Variants in KHDRBS2 observed in about 807,000 individuals in gnomAD.
The protein encoded by KHDRBS2 is KH domain-containing, RNA-binding, signal transduction-associated protein 2.
In KHDRBS2, 26 loss-of-function variants were observed where a neutral mutation model predicts 44.3. The observed-to-expected ratio is 0.59, with a 90% CI of 0.43 to 0.81. The LOEUF (loss-of-function observed/expected upper bound fraction) is 0.81, where lower values mean the gene tolerates loss of function less well. KHDRBS2 is among the 40% of genes least tolerant of loss of function. The pLI is 0.00. For missense variants in KHDRBS2, 476 were observed against 433.1 expected (o/e 1.10, Z -0.88); for synonymous variants, 194 against 151.1 (o/e 1.28, Z -2.08).
At chr6:62,088,460 C>T (rs778379305) in intron 2 of KHDRBS2, among the ~76,000 whole-genome samples, 1 of 152,206 alleles carries the variant, frequency 6.6e-6, no homozygotes, top group Non-Finnish European at 1.5e-5. Context: ...TCAGGCCCTT[C>T]TTCTGCAGGT....
intron 2 of KHDRBS2, among the ~76,000 whole-genome samples, chr6:62,069,773 T>C (rs1487674321): frequency 6.6e-6 from 1 of 151,860 alleles, no homozygotes; most frequent in Non-Finnish European, 1.5e-5. Flanking sequence ...CCATTAATTT[T>C]ATGCACTTAG....
intron 2 of KHDRBS2, among the ~76,000 whole-genome samples, chr6:62,050,552 A>G (rs1489102247): frequency 6.6e-6 from 1 of 151,980 alleles, no homozygotes; most frequent in Non-Finnish European, 1.5e-5. Flanking sequence ...ACTAATATCT[A>G]TAATCTATAA....
intron 4 of KHDRBS2, among the ~76,000 whole-genome samples, chr6:61,958,064 C>T (rs1583789236): frequency 6.6e-6 from 1 of 152,254 alleles, no homozygotes; most frequent in Admixed American, 6.5e-5. Flanking sequence ...ATCCCCTATT[C>T]TCAATCATAA....
At chr6:61,549,304 A>G in the KHDRBS2 span, among the ~76,000 whole-genome samples, 1 of 152,192 alleles carries the variant, frequency 6.6e-6, no homozygotes, top group Admixed American at 6.5e-5. Context: ...GTACTGTTTC[A>G]AACACATTTG....
chr6:62,276,164 T>C (rs1376915582), intron 1 of KHDRBS2, among the ~76,000 whole-genome samples: 1 of 152,194 alleles, frequency 6.6e-6, no homozygotes, highest in Non-Finnish European at 1.5e-5. Context: ...ATCTAATCTT[T>C]AATGTTTTAA....
At chr6:61,674,499 G>T in the KHDRBS2 span, among the ~76,000 whole-genome samples, 3 of 151,610 alleles carry the variant, frequency 2.0e-5, no homozygotes, top group Admixed American at 6.6e-5. Context: ...TTGCATTCTT[G>T]TTCAAAGAAT....
At chr6:61,878,055 G>C (rs1408979372) in intron 6 of KHDRBS2, among the ~76,000 whole-genome samples, 1 of 151,818 alleles carries the variant, frequency 6.6e-6, no homozygotes, top group Non-Finnish European at 1.5e-5. Flanking sequence ...ATTATTTCCA[G>C]AGCTTGGTCC....
At chr6:61,814,020 C>A (rs1221753645) in intron 6 of KHDRBS2, 1 of 455,806 alleles carries the variant, frequency 2.2e-6, no homozygotes, top group African/African-American at 2.0e-5. Flanking sequence ...TGGTTGAACT[C>A]CAATTAGATT....
intron 5 of KHDRBS2, among the ~76,000 whole-genome samples, chr6:61,898,668 G>A (rs1253096944): frequency 6.6e-6 from 1 of 151,796 alleles, no homozygotes; most frequent in Non-Finnish European, 1.5e-5. Context: ...GGGAGAACTA[G>A]GATTTAGAAC....
At chr6:62,233,585 C>T (rs1260372948) in intron 1 of KHDRBS2, among the ~76,000 whole-genome samples, 3 of 152,036 alleles carry the variant, frequency 2.0e-5, no homozygotes, top group African/African-American at 7.2e-5. Flanking sequence ...ATTTCATCAC[C>T]TAGATATTCA....
intron 2 of KHDRBS2, among the ~76,000 whole-genome samples, chr6:62,105,459 G>C (rs1179335352): frequency 6.6e-6 from 1 of 152,130 alleles, no homozygotes; most frequent in African/African-American, 2.4e-5. Context: ...TTCAGAGCCT[G>C]TTATTGGTCT....
intron 2 of KHDRBS2, among the ~76,000 whole-genome samples, chr6:62,134,809 G>A (rs927892006): frequency 1.4e-4 from 21 of 152,102 alleles, no homozygotes; most frequent in African/African-American, 2.4e-4. Context: ...AGACTTGCAC[G>A]GGGCCTTTAG....
chr6:61,748,864 G>A (rs777771056), intron 6 of KHDRBS2, among the ~76,000 whole-genome samples: 16 of 152,038 alleles, frequency 1.1e-4, no homozygotes, highest in Admixed American at 8.5e-4. Context: ...TCTATGCCCT[G>A]TGCTATCCAA....
At chr6:61,886,189 G>A (rs1428285064) in intron 6 of KHDRBS2, among the ~76,000 whole-genome samples, 1 of 152,082 alleles carries the variant, frequency 6.6e-6, no homozygotes, top group Non-Finnish European at 1.5e-5. Context: ...TCTTCAGGTG[G>A]CATTTTATTA....
chr6:61,726,137 G>A (rs1773510291), intron 7 of KHDRBS2, among the ~76,000 whole-genome samples: 1 of 152,042 alleles, frequency 6.6e-6, no homozygotes, highest in South Asian at 2.1e-4. Flanking sequence ...TGCAAGGTTG[G>A]TTCAACATAC....
At chr6:61,997,431 A>G (rs1161075775) in intron 3 of KHDRBS2, among the ~76,000 whole-genome samples, 3 of 152,170 alleles carry the variant, frequency 2.0e-5, no homozygotes, top group African/African-American at 7.2e-5. Context: ...ATATTCTGAA[A>G]TTAGCTGTTA....
the KHDRBS2 span, among the ~76,000 whole-genome samples, chr6:61,551,278 A>G: frequency 6.6e-6 from 1 of 152,046 alleles, no homozygotes; most frequent in East Asian, 1.9e-4. Flanking sequence ...CCTTTGTCAG[A>G]TGTATAGTCT....
intron 2 of KHDRBS2, among the ~76,000 whole-genome samples, chr6:62,172,782 G>A (rs1820320709): frequency 7.0e-6 from 1 of 143,660 alleles, no homozygotes; most frequent in Non-Finnish European, 1.5e-5. Flanking sequence ...TCAATGCTAA[G>A]AAGATTGCTC....
intron 1 of KHDRBS2, among the ~76,000 whole-genome samples, chr6:62,285,278 A>G (rs1412204449): frequency 6.6e-6 from 1 of 152,194 alleles, no homozygotes; most frequent in Non-Finnish European, 1.5e-5. Context: ...TATCTCACAG[A>G]GTACCCAATC....
Sources: gnomAD v4.1 joint callset for allele counts (sites outside exome capture counted in the v4.1 genomes callset) on GRCh38, gnomAD v4.1.1 for gene constraint, MANE v1.5 for transcripts, NCBI Gene and HGNC (gene_info 2026-07-23, HGNC 2026-07-21) for gene names.